Variants in NT5C2 observed in about 807,000 individuals in gnomAD.
The protein encoded by NT5C2 is cytosolic purine 5'-nucleotidase.
Under a neutral mutation model 76.1 loss-of-function variants are expected in NT5C2, and 58 were observed. The observed-to-expected ratio is 0.76, with a 90% CI of 0.62 to 0.95. The LOEUF is 0.95. NT5C2 is among the 40% of genes least tolerant of loss of function. NT5C2 has a pLI of 0.00. For synonymous variants in NT5C2, 229 were observed against 237.4 expected, an observed-to-expected ratio of 0.96 and a Z score of 0.32; for missense variants, 478 against 690.3, an observed-to-expected ratio of 0.69 and a Z score of 3.45.
chr10:103,178,943 T>G (rs2090554594), intron 2 of NT5C2, among the ~76,000 whole-genome samples: 1 of 140,430 alleles, frequency 7.1e-6, no homozygotes, highest in African/African-American at 2.7e-5. Context: ...CGTTTTCTTT[T>G]TTCTTTTTTT....
chr10:103,160,843 T>C (rs2084677116), intron 3 of NT5C2, among the ~76,000 whole-genome samples: 1 of 152,020 alleles, frequency 6.6e-6, no homozygotes, highest in Non-Finnish European at 1.5e-5. Context: ...TGAACCCCTA[T>C]CTCTACTAAA....
At chr10:103,113,843 A>T (rs955263243) in intron 4 of NT5C2, among the ~76,000 whole-genome samples, 15 of 152,254 alleles carry the variant, frequency 9.9e-5, no homozygotes, top group Non-Finnish European at 1.8e-4. Context: ...GCTTATACAG[A>T]TAACTCATTT....
chr10:103,122,450 T>C (rs1398454301), intron 4 of NT5C2, among the ~76,000 whole-genome samples: 1 of 152,248 alleles, frequency 6.6e-6, no homozygotes, highest in Non-Finnish European at 1.5e-5. Context: ...CATCTAGAGT[T>C]ACTGGATAAT....
At chr10:103,094,170 CTT>C (rs1337871115) in intron 13 of NT5C2, 132 bp from the exon 14 acceptor site, 5 of 550,256 alleles carry the variant, frequency 9.1e-6, no homozygotes, top group African/African-American at 8.2e-5. Flanking sequence ...GGCACTTACT[CTT>C]TTCAATTAGT....
chr10:103,170,781 C>T lies in NT5C2; in HGVS notation c.101+4077G>A, dbSNP rs757127353. Among the ~76,000 whole-genome samples, 15 of 151,964 alleles carry T rather than the reference C, an allele frequency of 9.9e-5. 1 individual carries two copies. The highest frequency in any genetic ancestry group is 2.6e-4 in the Admixed American group (4 of 15,234). Reference sequence around the variant, plus strand: ...AGCTCAAGGACTCCGCCTGGCTCGGCCTCCCAAAGTGTGTGGACTACAGGC... The same window carrying T: ...AGCTCAAGGACTCCGCCTGGCTCGGTCTCCCAAAGTGTGTGGACTACAGGC... On this transcript the variant is annotated intron_variant, in intron 3 of 18. Transcript: ENST00000404739.
At chr10:103,151,477 A>AAAAC (rs1555012765) in intron 3 of NT5C2, among the ~76,000 whole-genome samples, 1 of 151,746 alleles carries the variant, frequency 6.6e-6, no homozygotes, top group Admixed American at 6.6e-5. Context: ...AAAAAAAAAA[A>AAAAC]AACACTAGCC....
intron 4 of NT5C2, among the ~76,000 whole-genome samples, chr10:103,124,725 G>A (rs2076345284): frequency 2.0e-5 from 3 of 151,926 alleles, no homozygotes; most frequent in Admixed American, 2.0e-4. Context: ...TCAAGAGCTA[G>A]TACAAGGCAG....
At chr10:103,100,700 A>C in intron 8 of NT5C2, 1 of 499,888 alleles carries the variant, frequency 2.0e-6, no homozygotes, top group Non-Finnish European at 3.9e-6. Context: ...CTGTGAAATG[A>C]GTTGGGGGGT....
intron 2 of NT5C2, among the ~76,000 whole-genome samples, chr10:103,179,756 ACAT>A (rs2090737710): frequency 6.6e-6 from 1 of 152,222 alleles, no homozygotes; most frequent in South Asian, 2.1e-4. Flanking sequence ...TTGGCATATA[ACAT>A]CATATTAATC....
chr10:103,100,977 G>T, intron 8 of NT5C2, 68 bp downstream of exon 8: 3 of 923,186 alleles, frequency 3.2e-6, no homozygotes, highest in Non-Finnish European at 5.3e-6. Flanking sequence ...ACAATGGCCA[G>T]TTCTCTAAAA....
In NT5C2 at chr10:103,090,997, C is replaced by T; in HGVS notation, c.1212-1G>A. The T allele has an allele frequency of 6.2e-7, 1 of 1,612,734 alleles. No homozygotes were observed. Among genetic ancestry groups the T allele is most frequent in the Non-Finnish European group, 8.5e-7 (1 of 1,179,526 alleles). On this transcript the variant is annotated splice_acceptor_variant, in intron 16 of 18. Transcript: ENST00000404739. LOFTEE classifies it high-confidence loss of function. ...CTCATTGCTACTGCTGTCAAGATGC[C>T]TAAAGATAAAAGAAAAACTCAGTGA...
chr10:103,105,806 GT>G lies in NT5C2; in HGVS notation c.294-6del. On this transcript the variant is annotated splice_polypyrimidine_tract_variant and splice_region_variant and intron_variant, in intron 5 of 18. Transcript: ENST00000404739. ...AGTGTGTCAAAGACAAGTCCCCTAT[GT>G]GAAAATGAAGACATTATTGATAATG... 6.3e-7 allele frequency: 1 copy of G among 1,598,456 alleles called. No individual in the cohort carries two copies. The highest frequency in any genetic ancestry group is 8.6e-7 in the Non-Finnish European group (1 of 1,166,506).
chr10:103,174,906 T>C lies in NT5C2; in HGVS notation c.53A>G (p.Asn18Ser). Residue 18 changes from asparagine to serine, a missense_variant, in exon 3 of 19, where the codon AAC (asparagine) becomes AGC (serine). Asn to Ser is a conservative substitution (Grantham distance 46). Coordinates refer to ENST00000404739, the MANE Select transcript of NT5C2 (RefSeq NM_001351169.2). ...RLQNAADMPA[N>S]MDKHALKKYR... ...CTTTTTCAGGGCATGCTTATCCATG[T>C]TAGCAGGCATATCTGCTGCATTCTG... The C allele has an allele frequency of 6.2e-7, 1 of 1,613,780 alleles. No individual in the cohort carries two copies. Among genetic ancestry groups the C allele is most frequent in the Non-Finnish European group, 8.5e-7 (1 of 1,179,768 alleles).
At chr10:103,185,755 G>A (rs760199648) in intron 1 of NT5C2, among the ~76,000 whole-genome samples, 3 of 151,032 alleles carry the variant, frequency 2.0e-5, no homozygotes, top group Admixed American at 1.3e-4. Flanking sequence ...ATTCAACTTT[G>A]GTTTAGCTCT....
chr10:103,129,364 C>G (rs1229737217), intron 4 of NT5C2, among the ~76,000 whole-genome samples: 2 of 120,570 alleles, frequency 1.7e-5, no homozygotes, highest in Non-Finnish European at 3.6e-5. Flanking sequence ...GTCAGCTCTC[C>G]GCCCGGCCAG....
At chr10:103,130,168 A>C (rs2077839528) in intron 4 of NT5C2, among the ~76,000 whole-genome samples, 1 of 151,732 alleles carries the variant, frequency 6.6e-6, no homozygotes, top group African/African-American at 2.4e-5. Context: ...GTCTGTGTAG[A>C]AAGAAGTAGA....
In NT5C2 at chr10:103,108,861, T is replaced by C. The variant is rs138884938; in HGVS notation, c.176-2155A>G. On this transcript the variant is annotated intron_variant, in intron 4 of 18. Coordinates refer to ENST00000404739, the MANE Select transcript of NT5C2 (RefSeq NM_001351169.2). ...TGGCTAACTTTTTTTTTTCTTTTTCTTTTTCTTTTTTTCTGAGTCAGAGTC... is the reference window on the plus strand; with the variant it reads ...TGGCTAACTTTTTTTTTTCTTTTTCCTTTTCTTTTTTTCTGAGTCAGAGTC... Among the ~76,000 whole-genome samples the C allele has an allele frequency of 5.9e-3, 901 of 152,120 alleles. 9 individuals are homozygous for C. Among genetic ancestry groups the C allele is most frequent in the African/African-American group, 0.02 (844 of 41,502 alleles).
intron 3 of NT5C2, chr10:103,153,198 G>T: frequency 1.2e-6 from 1 of 863,798 alleles, no homozygotes; most frequent in Non-Finnish European, 1.6e-6. Flanking sequence ...TCCACTCTCG[G>T]ACTGGTAGCA....
intron 4 of NT5C2, among the ~76,000 whole-genome samples, chr10:103,126,496 C>A (rs1405861555): frequency 6.6e-6 from 1 of 152,140 alleles, no homozygotes; most frequent in Non-Finnish European, 1.5e-5. Flanking sequence ...GTGGTGCATG[C>A]CTGTAGTCCC....
Sources: gnomAD v4.1 joint callset for allele counts (sites outside exome capture counted in the v4.1 genomes callset) on GRCh38, gnomAD v4.1.1 for gene constraint, MANE v1.5 for transcripts, NCBI Gene and HGNC (gene_info 2026-07-23, HGNC 2026-07-21) for gene names.